Variants in EML6 observed in about 807,000 individuals in gnomAD.
The protein encoded by EML6 is echinoderm microtubule-associated protein-like 6.
EML6 carries 154 observed loss-of-function variants against 240.1 expected under a neutral mutation model. That is an observed-to-expected ratio of 0.64 (90% CI 0.56 to 0.73). The LOEUF (loss-of-function observed/expected upper bound fraction) is 0.73, where lower values mean the gene tolerates loss of function less well. EML6 is among the 30% of genes least tolerant of loss of function. The pLI is 0.00. For synonymous variants in EML6, 1,148 were observed against 899.0 expected (o/e 1.28, Z -4.95); for missense variants, 2,964 against 2,474.6 (o/e 1.20, Z -4.20).
At chr2:54,799,058 T>C (rs1265317616) in intron 2 of EML6, among the ~76,000 whole-genome samples, 1 of 152,206 alleles carries the variant, frequency 6.6e-6, no homozygotes, top group Non-Finnish European at 1.5e-5. Context: ...TATTCTGCTA[T>C]ATATTCTGCT....
chr2:54,918,618 A>G (rs577491860), intron 26 of EML6, among the ~76,000 whole-genome samples: 21 of 152,316 alleles, frequency 1.4e-4, no homozygotes, highest in Middle Eastern at 3.4e-3. Flanking sequence ...AAGTATTGGA[A>G]TTATAATCAT....
At chr2:54,869,459 A>G in intron 15 of EML6, 92 bp downstream of exon 15, 1 of 959,950 alleles carries the variant, frequency 1.0e-6, no homozygotes, top group Non-Finnish European at 1.5e-6. Context: ...AATGCTTGGT[A>G]GAAATAAACA....
In EML6 at chr2:54,962,513, A is replaced by G. The variant is rs1676565936; in HGVS notation, c.4969-10A>G. The G allele has an allele frequency of 3.3e-6, 5 of 1,536,886 alleles. No homozygotes were observed. The highest frequency in any genetic ancestry group is 2.5e-5 in the East Asian group (1 of 40,616). On this transcript the variant is annotated splice_polypyrimidine_tract_variant and intron_variant, in intron 35 of 41. Transcript: ENST00000356458. ...TTGTCCTTTTTCTAATAGTGTTTCA[A>G]TTACAACAGGGAAAAATCTTAGTGG... is the stretch of plus-strand genomic sequence containing the variant.
At chr2:54,938,143 C>G (rs536733405) in intron 28 of EML6, among the ~76,000 whole-genome samples, 2 of 152,102 alleles carry the variant, frequency 1.3e-5, no homozygotes, top group African/African-American at 4.8e-5. Context: ...GTCAGGAGTT[C>G]GAGACCAGCC....
At chr2:54,910,104 G>C (rs929978267) in intron 24 of EML6, among the ~76,000 whole-genome samples, 3 of 152,108 alleles carry the variant, frequency 2.0e-5, no homozygotes, top group Admixed American at 6.6e-5. Context: ...AAATAATCTA[G>C]GGTGGAGGTT....
At chr2:54,882,239 T>A (rs2103995607) in intron 17 of EML6, 1 of 152,142 alleles carries the variant, frequency 6.6e-6, no homozygotes, top group East Asian at 1.9e-4. Flanking sequence ...TATGAGTGAT[T>A]TCGGTTACCT....
chr2:54,931,118 C>T (rs909239018), intron 28 of EML6, among the ~76,000 whole-genome samples: 153 of 152,068 alleles, frequency 1.0e-3, no homozygotes, highest in Middle Eastern at 3.4e-3. Flanking sequence ...CCACCATGCC[C>T]GGCTAATTTT....
intron 2 of EML6, among the ~76,000 whole-genome samples, chr2:54,781,543 A>G (rs1055921106): frequency 1.3e-5 from 2 of 152,232 alleles, no homozygotes; most frequent in Admixed American, 6.5e-5. Flanking sequence ...TCTAGACAGT[A>G]CTGACAAATC....
At chr2:54,898,305 G>A (rs914435064) in intron 21 of EML6, among the ~76,000 whole-genome samples, 26 of 152,092 alleles carry the variant, frequency 1.7e-4, no homozygotes, top group African/African-American at 6.3e-4. Context: ...TCAATATAAG[G>A]CAGTGGTTTA....
At chr2:54,969,840 C>T (rs1676913558) in intron 41 of EML6, among the ~76,000 whole-genome samples, 1 of 152,132 alleles carries the variant, frequency 6.6e-6, no homozygotes, top group Non-Finnish European at 1.5e-5. Context: ...TTAGCACAGA[C>T]ATTCAAACTG....
chr2:54,726,532 C>CT (rs1352022706), intron 2 of EML6, among the ~76,000 whole-genome samples: 5 of 151,828 alleles, frequency 3.3e-5, no homozygotes, highest in African/African-American at 9.7e-5. Context: ...AAAATCTTGA[C>CT]TTTTTTTGAA....
At chr2:54,789,815 C>T (rs1249797486) in intron 2 of EML6, among the ~76,000 whole-genome samples, 3 of 152,128 alleles carry the variant, frequency 2.0e-5, no homozygotes, top group African/African-American at 7.2e-5. Flanking sequence ...GAGTTAACTC[C>T]AGCACACATG....
At chr2:54,842,293 T>C (rs550278303) in intron 7 of EML6, among the ~76,000 whole-genome samples, 2 of 152,330 alleles carry the variant, frequency 1.3e-5, no homozygotes, top group East Asian at 1.9e-4. Flanking sequence ...GTTTTTAGAA[T>C]GTTATAATTG....
chr2:54,802,881 T>C (rs1451394454), intron 2 of EML6, among the ~76,000 whole-genome samples: 1 of 152,128 alleles, frequency 6.6e-6, no homozygotes, highest in Non-Finnish European at 1.5e-5. Context: ...AAGGTTTTAA[T>C]TAGTCACTTA....
intron 29 of EML6, among the ~76,000 whole-genome samples, chr2:54,949,494 C>A (rs1675864600): frequency 6.6e-6 from 1 of 152,174 alleles, no homozygotes; most frequent in Admixed American, 6.5e-5. Context: ...AGCCCAAGAT[C>A]ACCAAGCCAG....
intron 15 of EML6, among the ~76,000 whole-genome samples, chr2:54,871,151 C>G (rs944973834): frequency 1.3e-5 from 2 of 152,092 alleles, no homozygotes; most frequent in Non-Finnish European, 2.9e-5. Context: ...AAGTGACTTC[C>G]CTGACTGAGA....
intron 28 of EML6, among the ~76,000 whole-genome samples, chr2:54,944,255 G>A (rs537787004): frequency 2.6e-5 from 4 of 152,134 alleles, no homozygotes; most frequent in Admixed American, 2.6e-4. Flanking sequence ...TGCCAAAATT[G>A]AACTCATCAT....
At chr2:54,948,243 C>T (rs1481996750) in intron 28 of EML6, among the ~76,000 whole-genome samples, 1 of 152,162 alleles carries the variant, frequency 6.6e-6, no homozygotes, top group Non-Finnish European at 1.5e-5. Flanking sequence ...GCGGGAAAAG[C>T]AACCTTTGGT....
intron 2 of EML6, among the ~76,000 whole-genome samples, chr2:54,739,610 C>T (rs1683544700): frequency 6.6e-6 from 1 of 152,228 alleles, no homozygotes; most frequent in African/African-American, 2.4e-5. Flanking sequence ...GCACACATCT[C>T]CTCTCAATGA....
Sources: allele counts gnomAD v4.1 joint callset (sites outside exome capture counted in the v4.1 genomes callset), GRCh38; gene constraint gnomAD v4.1.1; transcripts MANE v1.5; gene names NCBI Gene and HGNC (gene_info 2026-07-23, HGNC 2026-07-21).